The following COL4A6 variants were observed in gnomAD, a reference collection of about 807,000 sequenced individuals.
COL4A6 encodes collagen type IV alpha 6 chain.
COL4A6 carries 59 observed loss-of-function variants against 126.7 expected under a neutral mutation model. The ratio of observed to expected loss-of-function variants is 0.47; its 90% CI spans 0.38 to 0.58. The LOEUF (loss-of-function observed/expected upper bound fraction) is 0.58, where lower values mean the gene tolerates loss of function less well. COL4A6 is among the 20% of genes least tolerant of loss of function. The pLI, the probability that COL4A6 is intolerant of heterozygous loss-of-function variation, is 0.00. For missense variants in COL4A6, 1,285 were observed against 1,337.3 expected, an observed-to-expected ratio of 0.96 and a Z score of 0.61; for synonymous variants, 547 against 496.6, an observed-to-expected ratio of 1.10 and a Z score of -1.35.
intron 6 of COL4A6, among the ~76,000 whole-genome samples, chrX:108,211,967 G>T (rs1569356846): frequency 9.0e-6 from 1 of 110,928 alleles, no homozygotes; most frequent in Non-Finnish European, 1.9e-5. Context: ...AAAGGGAAAG[G>T]GTTTGAATGG....
chrX:108,221,107 A>C (rs1401361257), intron 4 of COL4A6, 133 bp downstream of exon 4: 1 of 914,723 alleles, frequency 1.1e-6, no homozygotes, highest in Non-Finnish European at 1.6e-6. Flanking sequence ...CAAAAAAAAA[A>C]ATGCAGAAAT....
At chrX:108,250,714 C>T (rs905150408) in intron 3 of COL4A6, among the ~76,000 whole-genome samples, 1 of 111,260 alleles carries the variant, frequency 9.0e-6, no homozygotes, top group Non-Finnish European at 1.9e-5. Flanking sequence ...AATTCATGAC[C>T]GTGCAGATAA....
chrX:108,184,418 T>C (rs1203446946), intron 23 of COL4A6, among the ~76,000 whole-genome samples: 1 of 111,900 alleles, frequency 8.9e-6, no homozygotes, highest in Non-Finnish European at 1.9e-5. Flanking sequence ...AGGTGGTGCT[T>C]CTGAGAGGTA....
chrX:108,309,778 G>A (rs192665378), intron 3 of COL4A6, among the ~76,000 whole-genome samples: 41 of 100,687 alleles, frequency 4.1e-4, no homozygotes, highest in Non-Finnish European at 6.0e-4. Flanking sequence ...TCTGAACTCT[G>A]TAGGATGGCC....
rs770716101 is a variant in COL4A6 at position 108,185,170 on chromosome X, T to A, written c.1951+1926A>T. 2.7e-5 allele frequency among the ~76,000 whole-genome samples: 3 copies of A among 110,966 alleles called. No homozygotes were observed. The South Asian group carries it at 1.2e-3, about 43-fold the overall frequency. ...ATTTTGAGAGGCCAACGCGGGTGGATCACTTGAGGTCAGGAGTTTGAGACC... is the reference window on the plus strand; with the variant it reads ...ATTTTGAGAGGCCAACGCGGGTGGAACACTTGAGGTCAGGAGTTTGAGACC... On this transcript the variant is annotated intron_variant, in intron 23 of 44. Coordinates refer to ENST00000334504, the MANE Select transcript of COL4A6 (RefSeq NM_033641.4).
chrX:108,437,390 C>G (rs1383279285), intron 2 of COL4A6, among the ~76,000 whole-genome samples: 4 of 111,617 alleles, frequency 3.6e-5, no homozygotes, highest in African/African-American at 1.3e-4. Flanking sequence ...GATGCAGAAA[C>G]GAGTAACACG....
intron 3 of COL4A6, among the ~76,000 whole-genome samples, chrX:108,259,661 G>A (rs2037107178): frequency 8.9e-6 from 1 of 111,736 alleles, no homozygotes; most frequent in East Asian, 2.8e-4. Context: ...GTCCCTTTCA[G>A]CTCTAGGACT....
intron 3 of COL4A6, among the ~76,000 whole-genome samples, chrX:108,272,261 C>T (rs1381999791): frequency 1.8e-5 from 2 of 111,554 alleles, no homozygotes; most frequent in East Asian, 5.6e-4. Context: ...TCTTGCTGAG[C>T]TACTGTTTAG....
In COL4A6 at chrX:108,371,140, T is replaced by G. The variant is rs1007484252; in HGVS notation, c.64-60312A>C. Among the ~76,000 whole-genome samples the G allele has an allele frequency of 2.1e-4, 23 of 110,553 alleles. No individual in the cohort carries two copies. The Admixed American group carries it at 2.1e-3, about 10-fold the overall frequency. ...GCATCTGTTCTCTGGTTTATCACAT[T>G]CACTACGAACTCTACTGAGACAGGG... On this transcript the variant is annotated intron_variant, in intron 2 of 44. Coordinates refer to ENST00000334504, the MANE Select transcript of COL4A6 (RefSeq NM_033641.4).
chrX:108,281,069 C>CT (rs1166074176), intron 3 of COL4A6, among the ~76,000 whole-genome samples: 1 of 99,931 alleles, frequency 1.0e-5, no homozygotes, highest in Non-Finnish European at 2.0e-5. Flanking sequence ...GAAGCATTCC[C>CT]TTTGAAAACT....
At chrX:108,425,023 A>G (rs1480861029) in intron 2 of COL4A6, among the ~76,000 whole-genome samples, 1 of 111,214 alleles carries the variant, frequency 9.0e-6, no homozygotes, top group East Asian at 2.8e-4. Context: ...AAAAACCCAT[A>G]AGTAAAATAA....
At position 108,412,183 on chromosome X, in the gene COL4A6, A is replaced by G. The variant is rs185389574; in HGVS notation, c.63+25759T>C. On this transcript the variant is annotated intron_variant, in intron 2 of 44. Transcript: ENST00000334504. ...GCCTGCTCAATAAAAGGAGTAAAAG[A>G]TAGTGTCATAAGATTTATAGGCTTA... is the stretch of plus-strand genomic sequence containing the variant. 4.5e-5 allele frequency among the ~76,000 whole-genome samples: 5 copies of G among 112,089 alleles called. No homozygotes were observed. The East Asian group carries it at 1.4e-3, about 31-fold the overall frequency.
At chrX:108,365,440 T>A (rs2040178492) in intron 2 of COL4A6, among the ~76,000 whole-genome samples, 1 of 112,014 alleles carries the variant, frequency 8.9e-6, no homozygotes, top group Admixed American at 9.5e-5. Flanking sequence ...TACATCTTAC[T>A]CATTTTTTTG....
intron 11 of COL4A6, chrX:108,204,615 A>G: frequency 2.0e-6 from 1 of 511,204 alleles, no homozygotes; most frequent in Non-Finnish European, 3.5e-6. Context: ...TTGTACCAGC[A>G]CTGCAGAGGG....
At chrX:108,399,357 G>A (rs1191162437) in intron 2 of COL4A6, among the ~76,000 whole-genome samples, 1 of 111,102 alleles carries the variant, frequency 9.0e-6, no homozygotes, top group Non-Finnish European at 1.9e-5. Context: ...TTTTTATTTT[G>A]TGCCTTTCAT....
chrX:108,218,175 AG>A (rs2035914236), intron 5 of COL4A6, among the ~76,000 whole-genome samples: 1 of 112,368 alleles, frequency 8.9e-6, no homozygotes, highest in Non-Finnish European at 1.9e-5. Context: ...TGCAGGAGGA[AG>A]GGCATACTAA....
intron 3 of COL4A6, among the ~76,000 whole-genome samples, chrX:108,272,198 A>G (rs1174888383): frequency 9.0e-6 from 1 of 111,198 alleles, no homozygotes; most frequent in African/African-American, 3.3e-5. Flanking sequence ...CAGCCTATAA[A>G]CTTCCTGGCC....
chrX:108,357,792 T>C (rs981765668), intron 2 of COL4A6, among the ~76,000 whole-genome samples: 2 of 110,798 alleles, frequency 1.8e-5, no homozygotes, highest in Admixed American at 2.0e-4. Context: ...TTGACACTTC[T>C]TCTTGGAGGA....
chrX:108,342,814 T>C (rs1215482253), intron 2 of COL4A6, among the ~76,000 whole-genome samples: 1 of 110,339 alleles, frequency 9.1e-6, no homozygotes, highest in Non-Finnish European at 1.9e-5. Flanking sequence ...AATTAGACAG[T>C]TATATAGAGC....
Sources: gnomAD v4.1 joint callset for allele counts (sites outside exome capture counted in the v4.1 genomes callset) on GRCh38, gnomAD v4.1.1 for gene constraint, MANE v1.5 for transcripts, NCBI Gene and HGNC (gene_info 2026-07-23, HGNC 2026-07-21) for gene names.